KIF11: variants seen among roughly 807,000 people sequenced by gnomAD.
KIF11 encodes the protein kinesin-like protein KIF11.
Under a neutral mutation model 121.0 loss-of-function variants are expected in KIF11, and 9 were observed. That is an observed-to-expected ratio of 0.07 (90% CI 0.04 to 0.13). The LOEUF (loss-of-function observed/expected upper bound fraction) is 0.13, where lower values mean the gene tolerates loss of function less well. KIF11 is among the 10% of genes least tolerant of loss of function. KIF11 has a pLI of 1.00. For missense variants in KIF11, 846 were observed against 1,217.5 expected (o/e 0.69, Z 4.54); for synonymous variants, 408 against 421.0 (o/e 0.97, Z 0.38).
At chr10:92,651,700 A>T (rs1284860258) in intron 21 of KIF11, among the ~76,000 whole-genome samples, 1 of 151,150 alleles carries the variant, frequency 6.6e-6, no homozygotes, top group African/African-American at 2.4e-5. Flanking sequence ...TTGAGAACAT[A>T]GTTGGTTTAT....
Position 92,653,744 on chromosome 10 carries a change from A to AGCAC in KIF11, c.3120_3123dup (p.Leu1042AlafsTer45). On this transcript the variant is annotated frameshift_variant, in exon 22 of 22. Coordinates refer to ENST00000260731, the MANE Select transcript of KIF11 (RefSeq NM_004523.4). LOFTEE classifies it high-confidence loss of function. ...AGGTCTAAAGTGGAAGAAACTACAGAGCACTTGGTTACAAAGAGCAGATTA... is the reference window on the plus strand; with the variant it reads ...AGGTCTAAAGTGGAAGAAACTACAGAGCACGCACTTGGTTACAAAGAGCAGATTA... 1 of 1,613,850 alleles carries AGCAC rather than the reference A, an allele frequency of 6.2e-7. No individual in the cohort carries two copies. The highest frequency in any genetic ancestry group is 8.5e-7 in the Non-Finnish European group (1 of 1,179,716).
intron 9 of KIF11, among the ~76,000 whole-genome samples, chr10:92,617,904 T>A (rs1844576075): frequency 6.6e-6 from 1 of 152,122 alleles, no homozygotes; most frequent in Non-Finnish European, 1.5e-5. Flanking sequence ...CACGTCTAGC[T>A]AATTTTTGTA....
intron 1 of KIF11, among the ~76,000 whole-genome samples, chr10:92,600,653 A>G (rs1320612903): frequency 6.6e-6 from 1 of 151,690 alleles, no homozygotes; most frequent in East Asian, 1.9e-4. Context: ...GACTACAGGC[A>G]TGCGCCCATG....
intron 1 of KIF11, among the ~76,000 whole-genome samples, chr10:92,602,948 C>T (rs1159928810): frequency 6.6e-5 from 10 of 151,022 alleles, no homozygotes; most frequent in East Asian, 2.0e-4. Context: ...CTCTGCCTCC[C>T]GGTTCAAGCG....
At chr10:92,611,626 C>T (rs1222028666) in intron 6 of KIF11, among the ~76,000 whole-genome samples, 2 of 152,192 alleles carry the variant, frequency 1.3e-5, no homozygotes, top group South Asian at 2.1e-4. Context: ...TGGCTGGGCG[C>T]GATGGCTGAC....
At chr10:92,645,769 A>G (rs1844912012) in intron 18 of KIF11, 127 bp downstream of exon 18, 5 of 698,846 alleles carry the variant, frequency 7.2e-6, no homozygotes, top group East Asian at 2.8e-5. Context: ...TTTTAAGTAT[A>G]ATATTTGGTA....
At chr10:92,601,365 TA>T (rs1844368705) in intron 1 of KIF11, among the ~76,000 whole-genome samples, 1 of 151,256 alleles carries the variant, frequency 6.6e-6, no homozygotes, top group Admixed American at 6.6e-5. Context: ...CATAAACAGC[TA>T]ATTTTTTTTT....
Position 92,593,285 on chromosome 10 carries a change from G to A in KIF11, c.-91G>A, listed in dbSNP as rs1291160371. The A allele has an allele frequency of 3.0e-6, 4 of 1,351,812 alleles. No homozygotes were observed. The highest frequency in any genetic ancestry group is 4.3e-5 in the Admixed American group (2 of 46,696). 83.7% of individuals were successfully genotyped at this position (1,351,812 alleles called of 1,614,324 possible). A position where few individuals can be genotyped will look rare whatever the true frequency, so the allele number is the denominator to read the frequency against. ...ACGCCAGCGCCCGAGAGGGACCAGG[G>A]AGACTCCGGCCCCTGTCGGCCGCCA... On this transcript the variant is annotated 5_prime_UTR_variant, in exon 1 of 22. Coordinates refer to ENST00000260731, the MANE Select transcript of KIF11 (RefSeq NM_004523.4).
At chr10:92,642,803 C>T (rs1844879066) in intron 17 of KIF11, among the ~76,000 whole-genome samples, 1 of 152,212 alleles carries the variant, frequency 6.6e-6, no homozygotes, top group Non-Finnish European at 1.5e-5. Flanking sequence ...ATGTATCCTT[C>T]TCCATCTCTT....
At chr10:92,593,574 C>A (rs1159441389) in intron 1 of KIF11, 122 bp downstream of exon 1, 5 of 778,350 alleles carry the variant, frequency 6.4e-6, no homozygotes, top group Non-Finnish European at 1.0e-5. Flanking sequence ...TGGTTCTCCG[C>A]GTTCTGTTCA....
intron 1 of KIF11, among the ~76,000 whole-genome samples, chr10:92,596,485 A>G (rs554205234): frequency 6.6e-6 from 1 of 151,432 alleles, no homozygotes; most frequent in African/African-American, 2.4e-5. Flanking sequence ...TCCTACCAAC[A>G]GTGCATAAGG....
At chr10:92,622,643 AAAAT>A (rs1216635158) in intron 10 of KIF11, among the ~76,000 whole-genome samples, 19 of 151,992 alleles carry the variant, frequency 1.3e-4, no homozygotes, top group Admixed American at 6.6e-4. Flanking sequence ...AAATAATAAT[AAAAT>A]AAATAAAAAA....
intron 18 of KIF11, among the ~76,000 whole-genome samples, 187 bp downstream of exon 18, chr10:92,645,829 T>G (rs1449191575): frequency 6.6e-6 from 1 of 152,182 alleles, no homozygotes; most frequent in Non-Finnish European, 1.5e-5. Context: ...TTCTCAATCT[T>G]GGAATTAATT....
At chr10:92,651,993 T>C in intron 21 of KIF11, among the ~76,000 whole-genome samples, 1 of 138,054 alleles carries the variant, frequency 7.2e-6, no homozygotes. Context: ...TAAATATATA[T>C]AGAGAGAGGG....
At chr10:92,609,584 G>C (rs1306388071) in intron 6 of KIF11, 75 bp downstream of exon 6, 124 of 1,476,972 alleles carry the variant, frequency 8.4e-5, no homozygotes, top group Non-Finnish European at 1.1e-4. Context: ...AAGTCAAATT[G>C]GGGTGGGTCA....
chr10:92,612,974 GTATTTCAGAAGCAGCAAATGC>G, intron 6 of KIF11, 45 bp from the exon 7 acceptor site: 1 of 856,614 alleles, frequency 1.2e-6, no homozygotes, highest in South Asian at 1.6e-5. Context: ...CCTGTTTTCA[GTATTTCAGAAGCAGCAAATGC>G]TATTTTACAT....
intron 1 of KIF11, among the ~76,000 whole-genome samples, chr10:92,594,982 G>A (rs1844278010): frequency 6.6e-6 from 1 of 152,094 alleles, no homozygotes; most frequent in African/African-American, 2.4e-5. Flanking sequence ...GTCCTCAGGG[G>A]TTGGTAAGCC....
intron 10 of KIF11, 44 bp downstream of exon 10, chr10:92,621,517 C>A: frequency 8.7e-7 from 1 of 1,151,650 alleles, no homozygotes; most frequent in South Asian, 1.3e-5. Context: ...ATAAGCATTT[C>A]TGATAACAGG....
At chr10:92,605,056 A>G (rs1352703400) in intron 1 of KIF11, among the ~76,000 whole-genome samples, 1 of 152,128 alleles carries the variant, frequency 6.6e-6, no homozygotes, top group African/African-American at 2.4e-5. Flanking sequence ...GAAAAGGTGT[A>G]TAAAGGGTGC....
Sources: gnomAD v4.1 joint callset for allele counts (sites outside exome capture counted in the v4.1 genomes callset) on GRCh38, gnomAD v4.1.1 for gene constraint, MANE v1.5 for transcripts, NCBI Gene and HGNC (gene_info 2026-07-23, HGNC 2026-07-21) for gene names.